The following BLM variants were observed in gnomAD, a reference collection of about 807,000 sequenced individuals.
The protein encoded by BLM is BLM RecQ like helicase, also known as recQ-like DNA helicase BLM.
A neutral mutation model predicts 135.3 loss-of-function variants in BLM; 95 were observed. That is an observed-to-expected ratio of 0.70 (90% CI 0.59 to 0.83). BLM has a LOEUF of 0.83. Among genes scored for constraint, BLM ranks in the 40% least tolerant of loss-of-function variants. The probability of loss-of-function intolerance (pLI) is 0.00; values close to 1 mark genes in which losing one functional copy is unlikely to be tolerated. For synonymous variants in BLM, 520 were observed against 589.2 expected, an observed-to-expected ratio of 0.88 and a Z score of 1.70; for missense variants, 1,518 against 1,663.9, an observed-to-expected ratio of 0.91 and a Z score of 1.53.
intron 9 of BLM, among the ~76,000 whole-genome samples, chr15:90,766,112 C>T (rs1248618404): frequency 6.6e-6 from 1 of 152,162 alleles, no homozygotes; most frequent in Non-Finnish European, 1.5e-5. Context: ...GACTCAATCA[C>T]ATTGTGATTA....
intron 16 of BLM, 118 bp downstream of exon 16, chr15:90,794,475 G>C: frequency 1.3e-6 from 1 of 744,070 alleles, no homozygotes; most frequent in Non-Finnish European, 2.1e-6. Flanking sequence ...GGGAAAGACA[G>C]CTTCCTTCCA....
chr15:90,808,065 G>A (rs1165416900), intron 19 of BLM, among the ~76,000 whole-genome samples: 2 of 152,222 alleles, frequency 1.3e-5, no homozygotes, highest in African/African-American at 4.8e-5. Context: ...GATTAGTGTA[G>A]TTTCTTAACT....
chr15:90,760,657 G>A lies in BLM; in HGVS notation c.1284G>A (p.Trp428Ter), dbSNP rs1057516964. Residue 428 changes from tryptophan to a stop codon, truncating the protein, a stop_gained, in exon 7 of 22, where the codon TGG becomes TGA. Transcript: ENST00000355112. LOFTEE classifies it high-confidence loss of function. ...ATGCCAGTCTTCTTGGCTCATTGTG[G>A]AGATACAGGCCTGATTCACTTGATG... is the stretch of plus-strand genomic sequence containing the variant. ...KSDASLLGSLWRYRPDSLDGP... is the reference protein window; with the variant it reads ...KSDASLLGSL 6 of 1,613,288 alleles carry A rather than the reference G, an allele frequency of 3.7e-6. No homozygotes were observed. The highest frequency in any genetic ancestry group is 5.1e-6 in the Non-Finnish European group (6 of 1,179,480).
chr15:90,760,390 G>A, intron 6 of BLM, 111 bp downstream of exon 6: 2 of 1,440,096 alleles, frequency 1.4e-6, no homozygotes, highest in South Asian at 1.2e-5. Context: ...ATGGCATAAG[G>A]ATGATCATCA....
At chr15:90,789,754 T>C (rs1896849317) in intron 14 of BLM, among the ~76,000 whole-genome samples, 1 of 152,126 alleles carries the variant, frequency 6.6e-6, no homozygotes, top group South Asian at 2.1e-4. Flanking sequence ...GCCTTTGAAA[T>C]ACTGTTCTTG....
chr15:90,803,780 T>C, intron 18 of BLM, 60 bp downstream of exon 18: 1 of 1,512,114 alleles, frequency 6.6e-7, no homozygotes, highest in Non-Finnish European at 9.2e-7. Flanking sequence ...AATATATTAT[T>C]GTGAAGTATA....
chr15:90,719,808 G>C (rs986312477), intron 1 of BLM, among the ~76,000 whole-genome samples: 1 of 152,128 alleles, frequency 6.6e-6, no homozygotes, highest in African/African-American at 2.4e-5. Flanking sequence ...AGAGGTCCAA[G>C]ATAATCGTAG....
intron 1 of BLM, among the ~76,000 whole-genome samples, chr15:90,724,576 C>T (rs1236254675): frequency 6.6e-6 from 1 of 152,158 alleles, no homozygotes. Context: ...TCCAGACCCC[C>T]CACTTCAGAC....
At chr15:90,721,597 A>G (rs1195191334) in intron 1 of BLM, among the ~76,000 whole-genome samples, 1 of 151,700 alleles carries the variant, frequency 6.6e-6, no homozygotes, top group Non-Finnish European at 1.5e-5. Flanking sequence ...TGCTGGGATT[A>G]CAGGTGTGAG....
intron 5 of BLM, among the ~76,000 whole-genome samples, chr15:90,757,179 T>G (rs926264870): frequency 6.6e-6 from 1 of 152,204 alleles, no homozygotes; most frequent in Admixed American, 6.5e-5. Flanking sequence ...TGCTTTGAAT[T>G]TACATCAAAT....
At position 90,811,274 on chromosome 15, in the gene BLM, T is replaced by C. The variant is rs1271612269; in HGVS notation, c.3944T>C (p.Leu1315Pro). 2 of 1,614,016 alleles carry C rather than the reference T, an allele frequency of 1.2e-6. No homozygotes were observed. The highest frequency in any genetic ancestry group is 1.7e-6 in the Non-Finnish European group (2 of 1,180,050). Reference protein sequence around the residue: ...RGPGRSAAEELDEEIPVSSHY... With the variant: ...RGPGRSAAEEPDEEIPVSSHY... Reference sequence around the variant, plus strand: ...CCCGGAAGAAGTGCCGCTGAGGAGCTCGACGAGGAAATACCCGTATCTTCC... The same window carrying C: ...CCCGGAAGAAGTGCCGCTGAGGAGCCCGACGAGGAAATACCCGTATCTTCC... Residue 1315 changes from leucine (L) to proline (P), a missense_variant, in exon 21 of 22, where the codon CTC becomes CCC. Physicochemically the swap from Leu to Pro is moderately conservative, Grantham distance 98. Transcript: ENST00000355112.
intron 1 of BLM, among the ~76,000 whole-genome samples, chr15:90,730,536 G>A (rs1895039398): frequency 6.6e-6 from 1 of 151,026 alleles, no homozygotes; most frequent in Non-Finnish European, 1.5e-5. Context: ...TGCAACTTCC[G>A]CCTCCCGGTT....
intron 19 of BLM, among the ~76,000 whole-genome samples, chr15:90,808,509 C>T (rs992679281): frequency 6.6e-6 from 1 of 152,232 alleles, no homozygotes; most frequent in African/African-American, 2.4e-5. Context: ...CCGGATTCTA[C>T]TCTTTCCTTT....
At chr15:90,801,608 G>A (rs1426125655) in intron 17 of BLM, among the ~76,000 whole-genome samples, 1 of 152,178 alleles carries the variant, frequency 6.6e-6, no homozygotes, top group Admixed American at 6.5e-5. Flanking sequence ...AAGGGGCAAG[G>A]ACAATAGATA....
rs1596232235 is a variant in BLM, at chr15:90,763,060, T to C, written c.1977T>C (p.Phe659=). The C allele has an allele frequency of 3.7e-6, 6 of 1,614,076 alleles. No homozygotes were observed. Among genetic ancestry groups the C allele is most frequent in the Non-Finnish European group, 5.1e-6 (6 of 1,179,964 alleles). The change falls in exon 8 of 22, where the codon TTT becomes TTC. Residue 659 remains phenylalanine, a synonymous_variant. Coordinates refer to ENST00000355112, the MANE Select transcript of BLM (RefSeq NM_000057.4). ...ATACAAAGGAAATGATGAAGATTTT[T>C]CATAAAAAATTTGGCCTGCATAATT... ...FPHTKEMMKI[F]HKKFGLHNFR...
chr15:90,756,298 T>C (rs1355088192), intron 5 of BLM, among the ~76,000 whole-genome samples: 1 of 152,104 alleles, frequency 6.6e-6, no homozygotes, highest in Non-Finnish European at 1.5e-5. Context: ...AGAGACAGGG[T>C]TTCACCATTT....
chr15:90,742,254 C>T (rs1430239189), intron 1 of BLM, among the ~76,000 whole-genome samples: 1 of 152,030 alleles, frequency 6.6e-6, no homozygotes, highest in Non-Finnish European at 1.5e-5. Context: ...ACCACCTTTG[C>T]CCCAGGGAAA....
In BLM at chr15:90,721,267, G is replaced by A. The variant is rs12442488; in HGVS notation, c.-5+3827G>A. ...CCTGAACATTTGTTCACTGGAACTG[G>A]ATGTTCTTTATGTGTTTTTAATATT... On this transcript the variant is annotated intron_variant, in intron 1 of 21. Coordinates refer to ENST00000355112, the MANE Select transcript of BLM (RefSeq NM_000057.4). Among the ~76,000 whole-genome samples, 895 of 152,144 alleles carry A rather than the reference G, an allele frequency of 5.9e-3. 13 individuals are homozygous for A. The highest frequency in any genetic ancestry group is 0.046 in the East Asian group (236 of 5,154).
chr15:90,736,201 C>G (rs753912874), intron 1 of BLM, among the ~76,000 whole-genome samples: 6 of 152,194 alleles, frequency 3.9e-5, no homozygotes, highest in Non-Finnish European at 8.8e-5. Context: ...ACTACACATG[C>G]ATTTGCCCTT....
Sources: gnomAD v4.1 joint callset for allele counts (sites outside exome capture counted in the v4.1 genomes callset) on GRCh38, gnomAD v4.1.1 for gene constraint, MANE v1.5 for transcripts, NCBI Gene and HGNC (gene_info 2026-07-23, HGNC 2026-07-21) for gene names.